The following MYRFL variants were observed in gnomAD, a reference collection of about 807,000 sequenced individuals.
The protein encoded by MYRFL is myelin regulatory factor like, also known as myelin regulatory factor-like protein.
MYRFL carries 88 observed loss-of-function variants against 109.4 expected under a neutral mutation model. The ratio of observed to expected loss-of-function variants is 0.80; its 90% CI spans 0.68 to 0.96. The LOEUF (loss-of-function observed/expected upper bound fraction) is 0.96, where lower values mean the gene tolerates loss of function less well. Among genes scored for constraint, MYRFL ranks in the 40% least tolerant of loss-of-function variants. The pLI, the probability that MYRFL is intolerant of heterozygous loss-of-function variation, is 0.00. For missense variants in MYRFL, 957 were observed against 954.9 expected (o/e 1.00, Z -0.03); for synonymous variants, 324 against 320.9 (o/e 1.01, Z -0.10).
intron 10 of MYRFL, among the ~76,000 whole-genome samples, chr12:69,900,187 C>T (rs973478520): frequency 2.0e-5 from 3 of 152,094 alleles, no homozygotes; most frequent in African/African-American, 4.8e-5. Context: ...AATCACAGTG[C>T]GTGACATGGG....
At chr12:69,871,885 C>A (rs933807837) in intron 2 of MYRFL, among the ~76,000 whole-genome samples, 2 of 152,074 alleles carry the variant, frequency 1.3e-5, no homozygotes, top group Non-Finnish European at 2.9e-5. Context: ...CAATTCTTTT[C>A]CTCGTCAATA....
intron 19 of MYRFL, among the ~76,000 whole-genome samples, chr12:69,936,932 G>T (rs543606813): frequency 2.0e-5 from 3 of 152,278 alleles, no homozygotes; most frequent in African/African-American, 7.2e-5. Context: ...TTACATGCAC[G>T]TGGGTGGATT....
chr12:69,830,485 A>ATC (rs765485713), intron 1 of MYRFL, among the ~76,000 whole-genome samples: 1 of 149,528 alleles, frequency 6.7e-6, no homozygotes, highest in Non-Finnish European at 1.5e-5. Context: ...AGAGATATCT[A>ATC]TATATATATA....
At chr12:69,865,139 A>AAAAGCAT (rs1243422257) in intron 2 of MYRFL, among the ~76,000 whole-genome samples, 3 of 152,252 alleles carry the variant, frequency 2.0e-5, no homozygotes, top group Non-Finnish European at 4.4e-5. Context: ...CTAACAAGAG[A>AAAAGCAT]AAAGCATAAA....
At chr12:69,840,693 G>T (rs1434241160) in intron 1 of MYRFL, among the ~76,000 whole-genome samples, 1 of 152,156 alleles carries the variant, frequency 6.6e-6, no homozygotes, top group Non-Finnish European at 1.5e-5. Flanking sequence ...TAATCTGCCG[G>T]TCAGGCAGCT....
chr12:69,954,183 A>G (rs902340309), intron 21 of MYRFL, among the ~76,000 whole-genome samples: 2 of 121,238 alleles, frequency 1.6e-5, no homozygotes, highest in Non-Finnish European at 3.5e-5. Flanking sequence ...AGATGATTCA[A>G]GTTCAAGTCC....
intron 19 of MYRFL, among the ~76,000 whole-genome samples, chr12:69,946,332 A>T (rs11177988): frequency 3.3e-5 from 5 of 151,910 alleles, no homozygotes; most frequent in Non-Finnish European, 1.5e-5. Context: ...GAAAGTTGTT[A>T]TCTCTTCCTT....
At chr12:69,831,298 T>C (rs1207125832) in intron 1 of MYRFL, among the ~76,000 whole-genome samples, 2 of 152,204 alleles carry the variant, frequency 1.3e-5, no homozygotes, top group African/African-American at 4.8e-5. Flanking sequence ...GCTGCTTTGA[T>C]GCTGTGAGCG....
intron 11 of MYRFL, among the ~76,000 whole-genome samples, 192 bp from the exon 12 acceptor site, chr12:69,909,777 T>C (rs1331246899): frequency 6.6e-6 from 1 of 152,126 alleles, no homozygotes; most frequent in Admixed American, 6.5e-5. Context: ...GGGAGGCATG[T>C]CCAGGGGAAG....
At chr12:69,828,090 T>G (rs923567592) in intron 1 of MYRFL, among the ~76,000 whole-genome samples, 1 of 152,118 alleles carries the variant, frequency 6.6e-6, no homozygotes, top group Non-Finnish European at 1.5e-5. Context: ...TTAAGATCCA[T>G]GTGTCAAGAA....
intron 19 of MYRFL, among the ~76,000 whole-genome samples, chr12:69,943,844 AC>A (rs1218279868): frequency 6.6e-6 from 1 of 152,154 alleles, no homozygotes; most frequent in Non-Finnish European, 1.5e-5. Flanking sequence ...CAAGAAAAAA[AC>A]AAACAGCCCC....
At chr12:69,878,115 C>T (rs1020859965) in intron 2 of MYRFL, among the ~76,000 whole-genome samples, 14 of 151,774 alleles carry the variant, frequency 9.2e-5, no homozygotes, top group African/African-American at 2.7e-4. Flanking sequence ...TGGTGGCAGG[C>T]GCCTGTAATC....
intron 1 of MYRFL, among the ~76,000 whole-genome samples, chr12:69,847,809 C>T (rs1469155973): frequency 2.0e-5 from 3 of 152,064 alleles, no homozygotes; most frequent in Admixed American, 6.5e-5. Context: ...ATTATTAGTC[C>T]AAAACCTTAG....
chr12:69,857,144 C>A (rs1884342469), intron 2 of MYRFL, among the ~76,000 whole-genome samples: 2 of 151,902 alleles, frequency 1.3e-5, no homozygotes, highest in South Asian at 2.1e-4. Flanking sequence ...CATTAAATTA[C>A]CTTTGCACAG....
At chr12:69,953,898 TG>T (rs1398111530) in intron 21 of MYRFL, among the ~76,000 whole-genome samples, 2 of 152,126 alleles carry the variant, frequency 1.3e-5, no homozygotes, top group African/African-American at 4.8e-5. Flanking sequence ...ACAAATCCTG[TG>T]GGTTTTCAGC....
intron 13 of MYRFL, among the ~76,000 whole-genome samples, chr12:69,914,634 A>G (rs1030316271): frequency 4.6e-5 from 7 of 152,258 alleles, no homozygotes; most frequent in Admixed American, 6.5e-5. Flanking sequence ...TTCTCTTTCT[A>G]TCAGTTCCAA....
rs987018150 is a variant in MYRFL at position 69,858,115 on chromosome 12, A to G, written c.137+2745A>G. Among the ~76,000 whole-genome samples, 5 of 151,600 alleles carry G rather than the reference A, an allele frequency of 3.3e-5. No individual in the cohort carries two copies. The East Asian group carries it at 5.8e-4, about 17-fold the overall frequency. On this transcript the variant is annotated intron_variant, in intron 2 of 24. Transcript: ENST00000552032. The stretch of plus-strand genomic sequence containing the variant: ...CAATTTTTTTCTGTATTTATTGATT[A>G]TATGTTTTTTCTTCCCATCTGTTAA...
At chr12:69,916,847 T>C (rs770476810) in intron 13 of MYRFL, among the ~76,000 whole-genome samples, 7 of 152,218 alleles carry the variant, frequency 4.6e-5, no homozygotes, top group Admixed American at 2.0e-4. Flanking sequence ...TCAAATAAGC[T>C]GGGCCCTTTC....
At chr12:69,828,108 A>G (rs1882401208) in intron 1 of MYRFL, among the ~76,000 whole-genome samples, 1 of 152,118 alleles carries the variant, frequency 6.6e-6, no homozygotes, top group African/African-American at 2.4e-5. Context: ...GAAAAATTGT[A>G]AAAGATTTTG....
Sources: gnomAD v4.1 joint callset for allele counts (sites outside exome capture counted in the v4.1 genomes callset) on GRCh38, gnomAD v4.1.1 for gene constraint, MANE v1.5 for transcripts, NCBI Gene and HGNC (gene_info 2026-07-23, HGNC 2026-07-21) for gene names.